The following CDKAL1 variants were observed in gnomAD, a reference collection of about 807,000 sequenced individuals.
CDKAL1 encodes the protein CDKAL1 threonylcarbamoyladenosine tRNA methylthiotransferase, also known as threonylcarbamoyladenosine tRNA methylthiotransferase.
Under a neutral mutation model 68.2 loss-of-function variants are expected in CDKAL1, and 32 were observed. That is an observed-to-expected ratio of 0.47 (90% CI 0.35 to 0.63). The LOEUF is 0.63. Among genes scored for constraint, CDKAL1 ranks in the 30% least tolerant of loss-of-function variants. The pLI is 0.00. For missense variants in CDKAL1, 606 were observed against 696.7 expected, an observed-to-expected ratio of 0.87 and a Z score of 1.47; for synonymous variants, 234 against 244.3, an observed-to-expected ratio of 0.96 and a Z score of 0.39.
intron 5 of CDKAL1, among the ~76,000 whole-genome samples, chr6:20,652,306 C>G (rs2127763082): frequency 6.6e-6 from 1 of 152,302 alleles, no homozygotes; most frequent in Non-Finnish European, 1.5e-5. Context: ...TTGCCTGACA[C>G]AGTCCTTGCC....
At chr6:21,228,629 T>C (rs568802022) in intron 15 of CDKAL1, among the ~76,000 whole-genome samples, 25 of 152,222 alleles carry the variant, frequency 1.6e-4, no homozygotes, top group Non-Finnish European at 3.2e-4. Context: ...CAGTCATTCA[T>C]TCATTCATTC....
At chr6:20,827,903 G>A (rs1300242212) in intron 8 of CDKAL1, among the ~76,000 whole-genome samples, 2 of 151,944 alleles carry the variant, frequency 1.3e-5, no homozygotes, top group Non-Finnish European at 1.5e-5. Context: ...AGTATCAAAA[G>A]AAGTTTTTGT....
chr6:20,955,747 C>G (rs1368019055), intron 10 of CDKAL1, among the ~76,000 whole-genome samples, 162 bp downstream of exon 10: 1 of 152,130 alleles, frequency 6.6e-6, no homozygotes, highest in Non-Finnish European at 1.5e-5. Context: ...AAATCCCCTT[C>G]TTTGGCAGGC....
intron 15 of CDKAL1, among the ~76,000 whole-genome samples, chr6:21,218,581 T>C (rs1216597938): frequency 6.6e-6 from 1 of 152,140 alleles, no homozygotes; most frequent in Non-Finnish European, 1.5e-5. Flanking sequence ...GATGGCAGGA[T>C]TCAGTTTCTC....
intron 11 of CDKAL1, among the ~76,000 whole-genome samples, chr6:21,054,631 C>A (rs1252072447): frequency 6.6e-6 from 1 of 152,046 alleles, no homozygotes; most frequent in Non-Finnish European, 1.5e-5. Flanking sequence ...TTTCTCTCAT[C>A]AAGTTTTAAG....
chr6:20,761,156 G>A (rs577684491), intron 7 of CDKAL1, among the ~76,000 whole-genome samples: 1 of 152,280 alleles, frequency 6.6e-6, no homozygotes, highest in South Asian at 2.1e-4. Context: ...CATATAAAAA[G>A]GTGTTTGACA....
intron 15 of CDKAL1, among the ~76,000 whole-genome samples, chr6:21,202,203 T>C (rs989680255): frequency 6.6e-6 from 1 of 152,202 alleles, no homozygotes; most frequent in Admixed American, 6.5e-5. Flanking sequence ...CACTGGATTC[T>C]TGTGTCCGAC....
chr6:21,042,931 TGA>T (rs1770014968), intron 11 of CDKAL1, among the ~76,000 whole-genome samples: 1 of 152,178 alleles, frequency 6.6e-6, no homozygotes, highest in African/African-American at 2.4e-5. Context: ...TTCTTTCTGC[TGA>T]GAGTGTATAA....
intron 4 of CDKAL1, among the ~76,000 whole-genome samples, chr6:20,647,405 C>T (rs774268109): frequency 7.2e-5 from 11 of 152,174 alleles, no homozygotes; most frequent in South Asian, 2.1e-4. Flanking sequence ...CCTCTGTCAT[C>T]CTCCCCTCAC....
chr6:20,534,889 G>A (rs1170190550), intron 1 of CDKAL1, among the ~76,000 whole-genome samples: 2 of 152,166 alleles, frequency 1.3e-5, no homozygotes, highest in Non-Finnish European at 2.9e-5. Context: ...CAAGGCTTTC[G>A]CAGTTATATA....
At position 20,873,241 on chromosome 6, in the gene CDKAL1, T is replaced by C. The variant is rs559264748; in HGVS notation, c.742+27063T>C. Reference sequence around the variant, plus strand: ...GAACTTAAGAGAGCATTTCAATAGATTAGTTGTTCTCAGTCTTTAGTGTGA... The same window carrying C: ...GAACTTAAGAGAGCATTTCAATAGACTAGTTGTTCTCAGTCTTTAGTGTGA... On this transcript the variant is annotated intron_variant, in intron 9 of 15. Coordinates refer to ENST00000274695, the MANE Select transcript of CDKAL1 (RefSeq NM_017774.3). Among the ~76,000 whole-genome samples, 158 of 152,236 alleles carry C rather than the reference T, an allele frequency of 1.0e-3. 1 individual carries two copies. Among genetic ancestry groups the C allele is most frequent in the Admixed American group, 2.7e-3 (42 of 15,288 alleles).
chr6:20,768,181 T>G (rs1462893141), intron 7 of CDKAL1, among the ~76,000 whole-genome samples: 1 of 152,178 alleles, frequency 6.6e-6, no homozygotes. Context: ...AGTCCTTGAT[T>G]GAGACTATGA....
At chr6:20,784,379 T>G (rs1485392107) in intron 8 of CDKAL1, among the ~76,000 whole-genome samples, 1 of 150,268 alleles carries the variant, frequency 6.7e-6, no homozygotes, top group African/African-American at 2.4e-5. Flanking sequence ...TGCATTATTT[T>G]TAAGTGTTTT....
At chr6:20,665,787 A>G (rs1769509716) in intron 5 of CDKAL1, among the ~76,000 whole-genome samples, 1 of 151,940 alleles carries the variant, frequency 6.6e-6, no homozygotes, top group African/African-American at 2.4e-5. Context: ...TAAAATGGAG[A>G]TAGGTTCTAA....
chr6:20,655,131 G>A lies in CDKAL1; in HGVS notation c.371+5754G>A, dbSNP rs192146297. ...TGTAGATATTGAATTATTCCAGTGC[G>A]TTAAGAAAATAAACTTATTCTTTCT... On this transcript the variant is annotated intron_variant, in intron 5 of 15. Coordinates refer to ENST00000274695, the MANE Select transcript of CDKAL1 (RefSeq NM_017774.3). Among the ~76,000 whole-genome samples, 138 of 152,206 alleles carry A rather than the reference G, an allele frequency of 9.1e-4. 2 individuals are homozygous for A. The highest frequency in any genetic ancestry group is 8.0e-3 in the Admixed American group (122 of 15,298).
chr6:21,129,556 C>T (rs944178245), intron 13 of CDKAL1, among the ~76,000 whole-genome samples: 1 of 151,760 alleles, frequency 6.6e-6, no homozygotes, highest in Non-Finnish European at 1.5e-5. Context: ...GTTCCTGCAC[C>T]TTAGAATTTT....
chr6:20,670,795 A>G (rs138974509), intron 5 of CDKAL1, among the ~76,000 whole-genome samples: 8 of 152,320 alleles, frequency 5.3e-5, no homozygotes, highest in Admixed American at 4.6e-4. Flanking sequence ...ATAGCATACT[A>G]TAGATACTAT....
intron 4 of CDKAL1, among the ~76,000 whole-genome samples, chr6:20,635,180 A>T (rs969641708): frequency 6.6e-6 from 1 of 152,062 alleles, no homozygotes; most frequent in South Asian, 2.1e-4. Context: ...TATCCTTACC[A>T]TTTGGCTTTT....
chr6:20,766,434 G>A (rs1263677049), intron 7 of CDKAL1, among the ~76,000 whole-genome samples: 4 of 152,114 alleles, frequency 2.6e-5, no homozygotes, highest in Admixed American at 6.5e-5. Context: ...ATTACTTTAG[G>A]CTTGAACCTC....
Sources: gnomAD v4.1 joint callset for allele counts (sites outside exome capture counted in the v4.1 genomes callset) on GRCh38, gnomAD v4.1.1 for gene constraint, MANE v1.5 for transcripts, NCBI Gene and HGNC (gene_info 2026-07-23, HGNC 2026-07-21) for gene names.